PCDH9: variants seen among roughly 807,000 people sequenced by gnomAD.
PCDH9 encodes protocadherin-9.
A neutral mutation model predicts 70.6 loss-of-function variants in PCDH9; 24 were observed. That is an observed-to-expected ratio of 0.34 (90% CI 0.25 to 0.48). PCDH9 has a LOEUF of 0.48. Among genes scored for constraint, PCDH9 ranks in the 20% least tolerant of loss-of-function variants. The pLI is 0.99. For missense variants in PCDH9, 1,281 were observed against 1,503.6 expected (o/e 0.85, Z 2.45); for synonymous variants, 562 against 558.5 (o/e 1.01, Z -0.09).
At chr13:66,558,086 T>C (rs1414167261) in intron 4 of PCDH9, among the ~76,000 whole-genome samples, 1 of 152,080 alleles carries the variant, frequency 6.6e-6, no homozygotes, top group African/African-American at 2.4e-5. Flanking sequence ...GCCCAGGAGT[T>C]TGAGACTGCA....
intron 4 of PCDH9, among the ~76,000 whole-genome samples, chr13:66,328,565 T>C (rs981558505): frequency 1.3e-5 from 2 of 152,194 alleles, no homozygotes; most frequent in African/African-American, 2.4e-5. Context: ...TCATTTCTAC[T>C]GAGCACTCAA....
At chr13:67,057,686 T>C (rs1393043443) in intron 2 of PCDH9, among the ~76,000 whole-genome samples, 3 of 152,126 alleles carry the variant, frequency 2.0e-5, no homozygotes, top group Non-Finnish European at 4.4e-5. Flanking sequence ...TGACAATTAA[T>C]TGGCTGTGAC....
intron 2 of PCDH9, among the ~76,000 whole-genome samples, chr13:67,112,127 A>G (rs954236466): frequency 2.6e-5 from 4 of 152,152 alleles, no homozygotes; most frequent in African/African-American, 9.7e-5. Context: ...CCAGGCTCCA[A>G]CTTTCACATG....
At chr13:66,423,928 C>T (rs898886500) in intron 4 of PCDH9, among the ~76,000 whole-genome samples, 11 of 152,078 alleles carry the variant, frequency 7.2e-5, no homozygotes, top group African/African-American at 2.2e-4. Flanking sequence ...TAGAAAACCC[C>T]GTCATCTTAG....
intron 4 of PCDH9, among the ~76,000 whole-genome samples, chr13:66,513,675 C>T (rs2138590224): frequency 6.7e-6 from 1 of 148,232 alleles, no homozygotes; most frequent in South Asian, 2.1e-4. Flanking sequence ...TTTAATAAAA[C>T]AATAGAATGG....
intron 3 of PCDH9, among the ~76,000 whole-genome samples, chr13:66,733,487 C>T (rs1417212524): frequency 6.6e-6 from 1 of 152,092 alleles, no homozygotes; most frequent in East Asian, 1.9e-4. Flanking sequence ...AATTCATTCC[C>T]TAGTTTGGCA....
At chr13:66,891,828 T>C (rs924533083) in intron 3 of PCDH9, among the ~76,000 whole-genome samples, 5 of 151,634 alleles carry the variant, frequency 3.3e-5, no homozygotes, top group African/African-American at 7.3e-5. Context: ...TTTTTTTTTG[T>C]TTTGTTTTAT....
intron 2 of PCDH9, among the ~76,000 whole-genome samples, chr13:66,973,326 A>C (rs1202569692): frequency 6.6e-6 from 1 of 151,948 alleles, no homozygotes; most frequent in Non-Finnish European, 1.5e-5. Context: ...TTATTTTTTT[A>C]ATCCTTTCTA....
At chr13:66,648,531 C>T (rs910146052) in intron 3 of PCDH9, among the ~76,000 whole-genome samples, 1 of 152,206 alleles carries the variant, frequency 6.6e-6, no homozygotes, top group African/African-American at 2.4e-5. Context: ...GCAGATGCAG[C>T]TGCAATAATC....
chr13:66,530,264 A>C (rs557106655), intron 4 of PCDH9, among the ~76,000 whole-genome samples: 1 of 152,218 alleles, frequency 6.6e-6, no homozygotes, highest in African/African-American at 2.4e-5. Flanking sequence ...TGTTTGTGGC[A>C]AGGATTCCCA....
chr13:67,222,530 G>C (rs1043049102), intron 2 of PCDH9: 11 of 152,052 alleles, frequency 7.2e-5, no homozygotes, highest in Non-Finnish European at 1.3e-4. Context: ...GAAAACATCA[G>C]ACGTTATGTT....
chr13:66,710,957 C>T (rs908744471), intron 3 of PCDH9, among the ~76,000 whole-genome samples: 6 of 152,116 alleles, frequency 3.9e-5, no homozygotes, highest in African/African-American at 9.7e-5. Context: ...AAGCTAATCT[C>T]TGCAGTTCAC....
chr13:66,580,668 A>G (rs1450248623), intron 4 of PCDH9, among the ~76,000 whole-genome samples: 2 of 151,882 alleles, frequency 1.3e-5, no homozygotes, highest in Non-Finnish European at 2.9e-5. Context: ...ACCACCCCAC[A>G]CTGTACAGCT....
At chr13:66,659,487 A>G (rs557329695) in intron 3 of PCDH9, among the ~76,000 whole-genome samples, 2 of 149,814 alleles carry the variant, frequency 1.3e-5, no homozygotes, top group South Asian at 4.2e-4. Context: ...GCCTTGGAAC[A>G]TTTGAAACCA....
At chr13:66,392,932 G>C (rs946216706) in intron 4 of PCDH9, among the ~76,000 whole-genome samples, 1 of 151,364 alleles carries the variant, frequency 6.6e-6, no homozygotes, top group Non-Finnish European at 1.5e-5. Context: ...AAACCCACTG[G>C]AAGAGGAATA....
At chr13:66,945,754 C>T (rs1315849803) in intron 2 of PCDH9, among the ~76,000 whole-genome samples, 1 of 152,088 alleles carries the variant, frequency 6.6e-6, no homozygotes, top group African/African-American at 2.4e-5. Context: ...GACACTTGTT[C>T]TTCCCTTCCC....
At chr13:66,417,052 G>A (rs1957474045) in intron 4 of PCDH9, among the ~76,000 whole-genome samples, 1 of 152,126 alleles carries the variant, frequency 6.6e-6, no homozygotes, top group Non-Finnish European at 1.5e-5. Flanking sequence ...TATACTTTAA[G>A]TTCTGGGATA....
intron 4 of PCDH9, among the ~76,000 whole-genome samples, chr13:66,457,598 T>C (rs1369542587): frequency 1.3e-5 from 2 of 152,024 alleles, no homozygotes; most frequent in East Asian, 3.9e-4. Context: ...AAAATCCCAA[T>C]GCCTAGATCA....
At position 67,226,035 on chromosome 13, in the gene PCDH9, A is replaced by C. The variant is rs763732734; in HGVS notation, c.2406T>G (p.Asp802Glu). ...CCTCATTTTGATAGGGTTGGCTACT[A>C]TCCCCTATGTTCCTGTCCAACGGGG... ...METPLDRNIG[D>E]SSQPYQNEDY... Residue 802 changes from aspartate to glutamate, a missense_variant, in exon 2 of 5, where the codon GAT (aspartate) becomes GAG (glutamate). By Grantham distance (45) the Asp-to-Glu change is conservative. This residue lies in a region of PCDH9 where 798 missense variants were observed against 1,003.1 expected (regional missense o/e 0.80). Coordinates refer to ENST00000377865, the MANE Select transcript of PCDH9 (RefSeq NM_203487.3). The surrounding 1 kb of genome is among the most constrained non-coding windows in gnomAD (Gnocchi z 5.0). 6.2e-7 allele frequency: 1 copy of C among 1,614,054 alleles called. No individual in the cohort carries two copies. The highest frequency in any genetic ancestry group is 1.1e-5 in the South Asian group (1 of 91,078).
Sources: allele counts gnomAD v4.1 joint callset (sites outside exome capture counted in the v4.1 genomes callset), GRCh38; gene constraint gnomAD v4.1.1; regional missense constraint gnomAD v4.1.1; non-coding constraint Gnocchi (gnomAD v3.1); transcripts MANE v1.5; gene names NCBI Gene and HGNC (gene_info 2026-07-23, HGNC 2026-07-21).